Variants in FAM120A observed in about 807,000 individuals in gnomAD.
FAM120A encodes family with sequence similarity 120 member A, also known as constitutive coactivator of PPAR-gamma-like protein 1.
Under a neutral mutation model 109.7 loss-of-function variants are expected in FAM120A, and 15 were observed. The observed-to-expected ratio is 0.14, with a 90% confidence interval of 0.09 to 0.21. FAM120A has a LOEUF of 0.21. FAM120A is among the 10% of genes least tolerant of loss of function. FAM120A has a pLI of 1.00. For missense variants in FAM120A, 899 were observed against 1,439.3 expected, an observed-to-expected ratio of 0.62 and a Z score of 6.07; for synonymous variants, 493 against 572.8, an observed-to-expected ratio of 0.86 and a Z score of 1.99.
chr9:93,533,555 A>T (rs558812298), intron 10 of FAM120A, among the ~76,000 whole-genome samples: 19 of 152,234 alleles, frequency 1.2e-4, no homozygotes, highest in Non-Finnish European at 2.6e-4. Context: ...GGTTCAGGAC[A>T]TTCTTCAATG....
chr9:93,496,223 T>C (rs559761424), intron 3 of FAM120A, among the ~76,000 whole-genome samples: 10 of 152,324 alleles, frequency 6.6e-5, no homozygotes, highest in Admixed American at 6.5e-4. Context: ...TCTTCCAAGC[T>C]CCTGTTAAGG....
chr9:93,501,721 A>G (rs1859811358), intron 5 of FAM120A, among the ~76,000 whole-genome samples: 1 of 152,232 alleles, frequency 6.6e-6, no homozygotes, highest in Non-Finnish European at 1.5e-5. Context: ...CTGGAATGGC[A>G]GGAGACAAGC....
At chr9:93,552,673 T>G (rs1862140816) in intron 12 of FAM120A, among the ~76,000 whole-genome samples, 1 of 152,268 alleles carries the variant, frequency 6.6e-6, no homozygotes, top group African/African-American at 2.4e-5. Context: ...TATGCAGAGC[T>G]GAGGGTTCCA....
Position 93,498,874 on chromosome 9 carries a change from C to T in FAM120A, c.1018C>T (p.Pro340Ser), listed in dbSNP as rs1246902282. The change falls in exon 5 of 18, where the codon CCA becomes TCA. Residue 340 changes from proline to serine, a missense_variant. By Grantham distance (74) the Pro-to-Ser change is moderately conservative (BLOSUM62 -1). Around this residue, in one of 11 missense-constraint regions of FAM120A, gnomAD observed 258 missense variants for 451.4 expected, o/e 0.57. Transcript: ENST00000277165. The surrounding 1 kb of genome is among the most constrained non-coding windows in gnomAD (Gnocchi z 4.4). ...TAGTAAGCCTATGTCATTTCATCCACCACATTACTTAGGTAAGTAAATAAA... is the reference window on the plus strand; with the variant it reads ...TAGTAAGCCTATGTCATTTCATCCATCACATTACTTAGGTAAGTAAATAAA... ...ATSKPMSFHP[P>S]HYLAARPGPF... 6.3e-7 allele frequency: 1 copy of T among 1,589,372 alleles called. No individual in the cohort carries two copies. Among genetic ancestry groups the T allele is most frequent in the South Asian group, 1.1e-5 (1 of 90,592 alleles).
chr9:93,525,382 C>T (rs989577052), intron 7 of FAM120A, among the ~76,000 whole-genome samples: 1 of 152,150 alleles, frequency 6.6e-6, no homozygotes, highest in African/African-American at 2.4e-5. Context: ...GCATGATCCT[C>T]TAGATCCTCT....
intron 1 of FAM120A, among the ~76,000 whole-genome samples, chr9:93,454,972 G>A (rs1857486907): frequency 6.6e-6 from 1 of 152,228 alleles, no homozygotes; most frequent in Admixed American, 6.5e-5. Context: ...CACCACTCCA[G>A]AAAACAGTGG....
At chr9:93,561,890 C>G (rs980404027) in intron 16 of FAM120A, among the ~76,000 whole-genome samples, 7 of 152,104 alleles carry the variant, frequency 4.6e-5, no homozygotes, top group Non-Finnish European at 8.8e-5. Context: ...AGGGGTAGAG[C>G]ATTTGACTGC....
intron 11 of FAM120A, among the ~76,000 whole-genome samples, chr9:93,547,513 TCAGC>T (rs1022332326): frequency 3.9e-5 from 6 of 152,138 alleles, no homozygotes; most frequent in African/African-American, 1.2e-4. Flanking sequence ...GGGGTCAAGG[TCAGC>T]CAGCCTTAGG....
intron 2 of FAM120A, among the ~76,000 whole-genome samples, chr9:93,471,997 C>T (rs891691504): frequency 1.3e-5 from 2 of 152,150 alleles, no homozygotes; most frequent in African/African-American, 4.8e-5. Flanking sequence ...AATTCCCCCA[C>T]GCCTGTAATC....
At chr9:93,460,186 T>C (rs1857728220) in intron 1 of FAM120A, among the ~76,000 whole-genome samples, 1 of 152,178 alleles carries the variant, frequency 6.6e-6, no homozygotes, top group Non-Finnish European at 1.5e-5. Flanking sequence ...TCGCGTAACA[T>C]GAAGAAGAGA....
At chr9:93,467,260 T>TCCCCCCCC (rs1858086559) in intron 1 of FAM120A, among the ~76,000 whole-genome samples, 1 of 27,426 alleles carries the variant, frequency 3.6e-5, no homozygotes, top group African/African-American at 1.1e-4. Context: ...CCCCCCCCCT[T>TCCCCCCCC]TTCCCCCATT....
chr9:93,518,898 A>C (rs1024825481), intron 7 of FAM120A, among the ~76,000 whole-genome samples: 2 of 152,152 alleles, frequency 1.3e-5, no homozygotes, highest in Non-Finnish European at 2.9e-5. Flanking sequence ...CAAATTCATA[A>C]ACTTCCTTAA....
rs1185335664 is a variant in FAM120A, at chr9:93,451,826, C to A, written c.-90C>A. ...AGTCCCCCCTAGAGGCCGCCGCCCC[C>A]GCCCGCCAGCCCGCCCGCGCGCCAC... On this transcript the variant is annotated 5_prime_UTR_variant, in exon 1 of 18. Coordinates refer to ENST00000277165, the MANE Select transcript of FAM120A (RefSeq NM_014612.5). 25 of 968,042 alleles carry A rather than the reference C, an allele frequency of 2.6e-5. No individual in the cohort carries two copies. The highest frequency in any genetic ancestry group is 6.4e-5 in the Admixed American group (1 of 15,596). The allele number at this position is 968,042 out of a possible 1,614,324, so 60.0% of individuals were successfully genotyped here.
chr9:93,452,520 A>G lies in FAM120A; in HGVS notation c.474+131A>G, dbSNP rs771538981. On this transcript the variant is annotated intron_variant, in intron 1 of 17. Transcript: ENST00000277165. This position sits in a 1 kb window ranked among gnomAD's most constrained non-coding sequence, Gnocchi z 7.0. ...CGAGTTCCCCCAGCCCTTGCCCGGG[A>G]TAGCCTGGCCGGGCCGGGCTGCAAG... is the stretch of plus-strand genomic sequence containing the variant. 5.1e-6 allele frequency: 8 copies of G among 1,554,116 alleles called. No individual in the cohort carries two copies. The East Asian group carries it at 1.2e-4, about 23-fold the overall frequency.
In FAM120A at chr9:93,452,427, C is replaced by T. The variant is rs1013288049; in HGVS notation, c.474+38C>T. ...ATCCGGGCGGGCCGGGGACCGGGGC[C>T]GCGCCGCACCCCTATCCCCCTTCCC... On this transcript the variant is annotated intron_variant, in intron 1 of 17. Transcript: ENST00000277165. This position sits in a 1 kb window ranked among gnomAD's most constrained non-coding sequence, Gnocchi z 7.0. 1 of 1,572,790 alleles carries T rather than the reference C, an allele frequency of 6.4e-7. No homozygotes were observed. Among genetic ancestry groups the T allele is most frequent in the African/African-American group, 1.3e-5 (1 of 74,222 alleles).
chr9:93,524,998 A>G (rs777252119), intron 7 of FAM120A, among the ~76,000 whole-genome samples: 2 of 152,174 alleles, frequency 1.3e-5, no homozygotes, highest in South Asian at 4.1e-4. Context: ...AGTATTCTAA[A>G]ATGTTATCCA....
intron 1 of FAM120A, among the ~76,000 whole-genome samples, chr9:93,454,364 A>G (rs1406470463): frequency 6.6e-6 from 1 of 151,988 alleles, no homozygotes; most frequent in African/African-American, 2.4e-5. Context: ...GCTACTAGAA[A>G]TTTCTCAGCA....
chr9:93,506,658 T>TAC (rs1170810129), intron 5 of FAM120A, among the ~76,000 whole-genome samples: 1 of 151,856 alleles, frequency 6.6e-6, no homozygotes, highest in Admixed American at 6.6e-5. Flanking sequence ...AGTGCAGTGA[T>TAC]ACAATCTCAG....
chr9:93,527,569 C>T (rs1861139082), intron 8 of FAM120A, among the ~76,000 whole-genome samples: 1 of 151,146 alleles, frequency 6.6e-6, no homozygotes, highest in Non-Finnish European at 1.5e-5. Flanking sequence ...TTAACTCCCC[C>T]ACCCCCCTTT....
Sources: allele counts gnomAD v4.1 joint callset (sites outside exome capture counted in the v4.1 genomes callset), GRCh38; gene constraint gnomAD v4.1.1; regional missense constraint gnomAD v4.1.1; non-coding constraint Gnocchi (gnomAD v3.1); transcripts MANE v1.5; gene names NCBI Gene and HGNC (gene_info 2026-07-23, HGNC 2026-07-21).